The following C2orf49 variants were observed in gnomAD, a reference collection of about 807,000 sequenced individuals.
The protein encoded by C2orf49 is tRNA-splicing ligase complex subunit ASW.
C2orf49 carries 11 observed loss-of-function variants against 20.6 expected under a neutral mutation model. That is an observed-to-expected ratio of 0.53 (90% CI 0.34 to 0.88). C2orf49 has a LOEUF of 0.88. Ranked by LOEUF, C2orf49 falls within the 40% of genes least tolerant of loss-of-function variation. The pLI is 0.02. For missense variants in C2orf49, 289 were observed against 274.2 expected (o/e 1.05, Z -0.38); for synonymous variants, 134 against 108.5 (o/e 1.24, Z -1.46).
At position 105,347,156 on chromosome 2, in the gene C2orf49, A is replaced by G. The variant is rs1454656156; in HGVS notation, c.*1785A>G. 4 of 152,230 alleles carry G rather than the reference A, an allele frequency of 2.6e-5. No individual in the cohort carries two copies. The highest frequency in any genetic ancestry group is 4.8e-5 in the African/African-American group (2 of 41,460). 9.4% of individuals were successfully genotyped at this position (152,230 alleles called of 1,614,324 possible). On this transcript the variant is annotated 3_prime_UTR_variant, in exon 4 of 4. Transcript: ENST00000258457. ...CCTTTATTCCAAACTGTAAATCTGTACACATAAGATAAAACATACTAAGTA... is the reference window on the plus strand; with the variant it reads ...CCTTTATTCCAAACTGTAAATCTGTGCACATAAGATAAAACATACTAAGTA...
chr2:105,383,649 A>C, the C2orf49 span, among the ~76,000 whole-genome samples: 5 of 152,192 alleles, frequency 3.3e-5, no homozygotes, highest in African/African-American at 9.6e-5. Context: ...TTAAGAGAAG[A>C]GATTGGCCAC....
chr2:105,380,591 T>C, the C2orf49 span, among the ~76,000 whole-genome samples: 1 of 152,182 alleles, frequency 6.6e-6, no homozygotes, highest in Non-Finnish European at 1.5e-5. Context: ...ATTAGCACCA[T>C]GCCGGTAGCT....
rs781291440 is a variant in C2orf49 at position 105,339,745 on chromosome 2, A to G, written c.262A>G (p.Lys88Glu). 3 of 1,586,040 alleles carry G rather than the reference A, an allele frequency of 1.9e-6. No homozygotes were observed. The East Asian group carries it at 6.8e-5, about 36-fold the overall frequency. ...ACAACATGAGATTAAAAATGAGACTAAAAGGTACTTTTTGGTGGTTCTAGC... is the reference window on the plus strand; with the variant it reads ...ACAACATGAGATTAAAAATGAGACTGAAAGGTACTTTTTGGTGGTTCTAGC... ...REQHEIKNETKRSSTVDGLRK... is the reference protein window; with the variant it reads ...REQHEIKNETERSSTVDGLRK... The change falls in exon 2 of 4, where the codon AAA becomes GAA. Residue 88 changes from lysine to glutamate, a missense_variant. Transcript: ENST00000258457.
the C2orf49 span, chr2:105,357,965 GTT>G: frequency 6.6e-6 from 1 of 152,136 alleles, no homozygotes; most frequent in African/African-American, 2.4e-5. Flanking sequence ...TTTCAAGTTT[GTT>G]TCACATCTGA....
chr2:105,380,331 T>G, the C2orf49 span, among the ~76,000 whole-genome samples: 1 of 152,214 alleles, frequency 6.6e-6, no homozygotes, highest in African/African-American at 2.4e-5. Flanking sequence ...AATCTTTACC[T>G]GTGAAGACCT....
the C2orf49 span, among the ~76,000 whole-genome samples, chr2:105,385,153 G>A: frequency 6.6e-6 from 1 of 152,188 alleles, no homozygotes; most frequent in African/African-American, 2.4e-5. Flanking sequence ...AAAAGACACA[G>A]GGCTGCAGCA....
At chr2:105,370,640 C>T in the C2orf49 span, among the ~76,000 whole-genome samples, 1 of 152,142 alleles carries the variant, frequency 6.6e-6, no homozygotes, top group South Asian at 2.1e-4. Context: ...ACCGCAAAAG[C>T]TGTGCACTGA....
At chr2:105,351,016 AG>A (rs1679918481), downstream of C2orf49, among the ~76,000 whole-genome samples, 1 of 152,100 alleles carries the variant, frequency 6.6e-6, no homozygotes, top group South Asian at 2.1e-4. Flanking sequence ...ACAGTTTCTC[AG>A]AGTTTCCTTG....
chr2:105,369,787 A>G, the C2orf49 span, among the ~76,000 whole-genome samples: 1 of 152,216 alleles, frequency 6.6e-6, no homozygotes, highest in African/African-American at 2.4e-5. Flanking sequence ...ATATGGGGCA[A>G]TTATGACTCT....
chr2:105,339,093 T>G lies in C2orf49; in HGVS notation c.100-490T>G, dbSNP rs576821524. On this transcript the variant is annotated intron_variant, in intron 1 of 3. Transcript: ENST00000258457. The stretch of plus-strand genomic sequence containing the variant: ...TCTATTTGTGGTATTATTTGAAATC[T>G]TGGTAGTTAACTTCAATTTAGGAAG... Among the ~76,000 whole-genome samples, 277 of 152,362 alleles carry G rather than the reference T, an allele frequency of 1.8e-3. 2 individuals carry two copies. Among genetic ancestry groups the G allele is most frequent in the African/African-American group, 6.2e-3 (259 of 41,586 alleles).
rs1679536116 is a variant in C2orf49, at chr2:105,337,620, G to C, written c.33G>C (p.Thr11=). ...GGGATGTGGGCGGTCGCAGCTGCACGGACTCGGAACTGCTGCTGCACCCGG... is the reference window on the plus strand; with the variant it reads ...GGGATGTGGGCGGTCGCAGCTGCACCGACTCGGAACTGCTGCTGCACCCGG... MAGDVGGRSC[T]DSELLLHPEL... The change falls in exon 1 of 4, where the codon ACG becomes ACC. Residue 11 remains threonine, a synonymous_variant. Coordinates refer to ENST00000258457, the MANE Select transcript of C2orf49 (RefSeq NM_024093.3). 1 of 1,611,986 alleles carries C rather than the reference G, an allele frequency of 6.2e-7. No homozygotes were observed. Among genetic ancestry groups the C allele is most frequent in the Middle Eastern group, 1.7e-4 (1 of 5,986 alleles).
the C2orf49 span, among the ~76,000 whole-genome samples, chr2:105,371,657 AC>A: frequency 7.9e-5 from 12 of 152,286 alleles, no homozygotes; most frequent in Admixed American, 4.6e-4. Context: ...GAAAGTCAAG[AC>A]AGGTGAAAAA....
chr2:105,371,585 T>C, the C2orf49 span, among the ~76,000 whole-genome samples: 1 of 150,978 alleles, frequency 6.6e-6, no homozygotes, highest in Admixed American at 6.6e-5. Context: ...TCCTTATGTA[T>C]GTATCTATGT....
chr2:105,339,305 C>A (rs1160416096), intron 1 of C2orf49, among the ~76,000 whole-genome samples: 1 of 152,146 alleles, frequency 6.6e-6, no homozygotes, highest in African/African-American at 2.4e-5. Context: ...GATAATTTTA[C>A]TGGAAATGAT....
At chr2:105,367,050 A>G in the C2orf49 span, among the ~76,000 whole-genome samples, 1 of 152,244 alleles carries the variant, frequency 6.6e-6, no homozygotes, top group Non-Finnish European at 1.5e-5. Context: ...CTGGGATTAC[A>G]GGCATGAGCC....
chr2:105,359,428 T>C, the C2orf49 span: 1 of 152,222 alleles, frequency 6.6e-6, no homozygotes, highest in East Asian at 1.9e-4. Flanking sequence ...ATTCTAACAG[T>C]GACTAACACT....
chr2:105,374,552 G>A, the C2orf49 span: 10 of 152,208 alleles, frequency 6.6e-5, no homozygotes, highest in East Asian at 1.9e-3. Flanking sequence ...GTGAGGGTGG[G>A]AGAAGTGAGA....
chr2:105,349,525 G>A (rs1679890288), downstream of C2orf49, among the ~76,000 whole-genome samples: 1 of 152,134 alleles, frequency 6.6e-6, no homozygotes, highest in South Asian at 2.1e-4. Context: ...TTTTTCAGTT[G>A]TTTAGTAGCT....
chr2:105,377,310 G>A, the C2orf49 span, among the ~76,000 whole-genome samples: 5 of 152,130 alleles, frequency 3.3e-5, no homozygotes, highest in African/African-American at 1.2e-4. Flanking sequence ...GATGTTCTGT[G>A]TATTTTACCA....
Sources: allele counts gnomAD v4.1 joint callset (sites outside exome capture counted in the v4.1 genomes callset), GRCh38; gene constraint gnomAD v4.1.1; transcripts MANE v1.5; gene names NCBI Gene and HGNC (gene_info 2026-07-23, HGNC 2026-07-21).